The following SS18 variants were observed in gnomAD, a reference collection of about 807,000 sequenced individuals.
SS18 encodes the protein protein SSXT.
In SS18, 28 loss-of-function variants were observed where a neutral mutation model predicts 72.5. That is an observed-to-expected ratio of 0.39 (90% CI 0.29 to 0.53). SS18 has a LOEUF of 0.53. SS18 is among the 20% of genes least tolerant of loss of function. The pLI is 0.76. For synonymous variants in SS18, 172 were observed against 164.2 expected, an observed-to-expected ratio of 1.05 and a Z score of -0.37; for missense variants, 518 against 535.3, an observed-to-expected ratio of 0.97 and a Z score of 0.32.
intron 1 of SS18, among the ~76,000 whole-genome samples, 170 bp downstream of exon 1, chr18:26,090,331 T>C (rs916336015): frequency 6.6e-5 from 10 of 152,076 alleles, no homozygotes; most frequent in African/African-American, 2.4e-4. Context: ...TTCACCCTCT[T>C]CCGCCACCCA....
chr18:26,057,567 G>C, intron 4 of SS18, 22 bp downstream of exon 4: 1 of 1,606,742 alleles, frequency 6.2e-7, no homozygotes, highest in Non-Finnish European at 8.5e-7. Context: ...TGGTGTTAAT[G>C]TCTTAGAGGA....
At chr18:26,032,585 C>T in intron 9 of SS18, 53 bp from the exon 10 acceptor site, 4 of 1,592,946 alleles carry the variant, frequency 2.5e-6, no homozygotes, top group Non-Finnish European at 3.4e-6. Flanking sequence ...GTCCCTAGAA[C>T]TCAGGGAAGG....
At chr18:26,037,061 G>A (rs1333590622) in intron 7 of SS18, among the ~76,000 whole-genome samples, 2 of 151,990 alleles carry the variant, frequency 1.3e-5, no homozygotes, top group East Asian at 1.9e-4. Flanking sequence ...CCGGACATGA[G>A]AGAAAAGAGC....
intron 3 of SS18, among the ~76,000 whole-genome samples, chr18:26,073,408 CA>C (rs1258857724): frequency 1.3e-5 from 2 of 151,768 alleles, no homozygotes; most frequent in African/African-American, 4.8e-5. Context: ...AAAAATATAC[CA>C]AAAGAAAGTA....
intron 10 of SS18, among the ~76,000 whole-genome samples, chr18:26,031,842 G>A (rs2053547228): frequency 6.6e-6 from 1 of 152,156 alleles, no homozygotes; most frequent in African/African-American, 2.4e-5. Flanking sequence ...AGGAAGTGTA[G>A]TGGATATGCT....
chr18:26,057,571 T>C lies in SS18; in HGVS notation c.385+18A>G, dbSNP rs2054043934. ...CTAAGCAACTCTGGTGTTAATGTCT[T>C]AGAGGAGAAAAACTTACCAGGCATC... On this transcript the variant is annotated intron_variant, in intron 4 of 10. Coordinates refer to ENST00000415083, the MANE Select transcript of SS18 (RefSeq NM_001007559.3). The C allele has an allele frequency of 6.2e-7, 1 of 1,613,840 alleles. No homozygotes were observed. The highest frequency in any genetic ancestry group is 1.1e-5 in the South Asian group (1 of 91,078).
chr18:26,070,982 T>C (rs921040696), intron 3 of SS18, among the ~76,000 whole-genome samples: 1 of 151,978 alleles, frequency 6.6e-6, no homozygotes, highest in Non-Finnish European at 1.5e-5. Context: ...TAGAAAAATA[T>C]ATATTAGGAA....
At chr18:26,024,783 T>C (rs578006682) in intron 10 of SS18, among the ~76,000 whole-genome samples, 11 of 151,620 alleles carry the variant, frequency 7.3e-5, no homozygotes, top group African/African-American at 1.7e-4. Context: ...ATGTGACAAA[T>C]AGAAAAAATA....
chr18:26,050,189 T>C (rs1348586164), intron 5 of SS18, among the ~76,000 whole-genome samples: 1 of 151,122 alleles, frequency 6.6e-6, no homozygotes, highest in Non-Finnish European at 1.5e-5. Flanking sequence ...GAGCCGAGAC[T>C]GCACTTCTGC....
intron 10 of SS18, among the ~76,000 whole-genome samples, chr18:26,027,983 T>C (rs2053480383): frequency 6.6e-6 from 1 of 151,942 alleles, no homozygotes; most frequent in East Asian, 1.9e-4. Context: ...TAGACTCTCC[T>C]GTCTTTGAAA....
At chr18:26,028,484 C>A (rs1328196275) in intron 10 of SS18, among the ~76,000 whole-genome samples, 3 of 152,146 alleles carry the variant, frequency 2.0e-5, no homozygotes, top group Admixed American at 6.5e-5. Flanking sequence ...AGAAAAATGT[C>A]CCCAGGGACT....
chr18:26,036,073 C>A, intron 7 of SS18, 150 bp from the exon 8 acceptor site: 3 of 662,758 alleles, frequency 4.5e-6, no homozygotes, highest in Non-Finnish European at 7.7e-6. Flanking sequence ...AAAGATTTAC[C>A]AATGTGATTG....
At chr18:26,077,176 C>G (rs1048131871) in intron 3 of SS18, among the ~76,000 whole-genome samples, 2 of 151,982 alleles carry the variant, frequency 1.3e-5, no homozygotes, top group African/African-American at 4.8e-5. Context: ...ATGGATTGAT[C>G]AGGCTGGTAT....
At position 26,079,941 on chromosome 18, in the gene SS18, C is replaced by CT. The variant is rs200055950; in HGVS notation, c.147-1782dup. ...CTGTTACAAACAACAGGTTTCACAG[C>CT]TTTTTTTTTTTTAATAAGAAAGGAA... On this transcript the variant is annotated intron_variant, in intron 2 of 10. Transcript: ENST00000415083. 5.6e-3 allele frequency among the ~76,000 whole-genome samples: 801 copies of CT among 144,294 alleles called. 7 individuals are homozygous for CT. The highest frequency in any genetic ancestry group is 0.017 in the African/African-American group (654 of 39,576). The allele number at this position is 144,294 out of a possible 152,430, so 94.7% of individuals were successfully genotyped here.
At chr18:26,065,041 C>T (rs1275064034) in intron 3 of SS18, among the ~76,000 whole-genome samples, 2 of 152,058 alleles carry the variant, frequency 1.3e-5, no homozygotes, top group African/African-American at 2.4e-5. Flanking sequence ...AACAAATGTG[C>T]AATACCTCTA....
At chr18:26,044,608 G>A (rs1177707184) in intron 5 of SS18, among the ~76,000 whole-genome samples, 1 of 151,898 alleles carries the variant, frequency 6.6e-6, no homozygotes, top group East Asian at 1.9e-4. Context: ...ACAAGCATGA[G>A]CCACCACACC....
At position 26,058,509 on chromosome 18, in the gene SS18, A is replaced by G. The variant is rs917227988; in HGVS notation, c.232-767T>C. Among the ~76,000 whole-genome samples, 16 of 152,178 alleles carry G rather than the reference A, an allele frequency of 1.1e-4. No homozygotes were observed. The East Asian group carries it at 1.2e-3, about 11-fold the overall frequency. On this transcript the variant is annotated intron_variant, in intron 3 of 10. Coordinates refer to ENST00000415083, the MANE Select transcript of SS18 (RefSeq NM_001007559.3). ...TTTTTAATCTTGTAGGAGGAGAGGGAGGCATTATTCTTTACTTCGATGTTC... is the reference window on the plus strand; with the variant it reads ...TTTTTAATCTTGTAGGAGGAGAGGGGGGCATTATTCTTTACTTCGATGTTC...
intron 10 of SS18, among the ~76,000 whole-genome samples, chr18:26,024,552 A>T (rs2053413070): frequency 6.6e-6 from 1 of 152,204 alleles, no homozygotes; most frequent in Non-Finnish European, 1.5e-5. Flanking sequence ...CCTGGGCTCA[A>T]GCAATCCTCC....
At chr18:26,089,606 G>A (rs1236912245) in intron 1 of SS18, among the ~76,000 whole-genome samples, 1 of 152,216 alleles carries the variant, frequency 6.6e-6, no homozygotes, top group Non-Finnish European at 1.5e-5. Context: ...GTCTAGGTCA[G>A]TAAAATTTAG....
Sources: gnomAD v4.1 joint callset for allele counts (sites outside exome capture counted in the v4.1 genomes callset) on GRCh38, gnomAD v4.1.1 for gene constraint, MANE v1.5 for transcripts, NCBI Gene and HGNC (gene_info 2026-07-23, HGNC 2026-07-21) for gene names.